Variants in DDX31 observed in about 807,000 individuals in gnomAD.
DDX31 encodes ATP-dependent DNA helicase DDX31.
In DDX31, 70 loss-of-function variants were observed where a neutral mutation model predicts 91.3. That is an observed-to-expected ratio of 0.77 (90% confidence interval 0.63 to 0.94). The LOEUF (loss-of-function observed/expected upper bound fraction) is 0.94. Ranked by LOEUF, DDX31 falls within the 40% of genes least tolerant of loss-of-function variation. The pLI is 0.00. For synonymous variants in DDX31, 362 were observed against 350.6 expected (o/e 1.03, Z -0.36); for missense variants, 902 against 925.0 (o/e 0.98, Z 0.32).
chr9:132,653,494 C>CAAAAAAAAGAAAAAAAAAAA (rs1834345320), intron 6 of DDX31, among the ~76,000 whole-genome samples: 1 of 20,630 alleles, frequency 4.8e-5, no homozygotes, highest in Non-Finnish European at 1.5e-4. Flanking sequence ...AACTCAGTCT[C>CAAAAAAAAGAAAAAAAAAAA]AAAAAAAAAA....
rs369592272 is a variant in DDX31 at position 132,662,323 on chromosome 9, G to A, written c.346C>T (p.Gln116Ter). ...GAAGTAAACACTTTTTCTTGCACCT[G>A]CTTTACCACAGGTCTGCAAATGATG... is the stretch of plus-strand genomic sequence containing the variant. ...IPELHRPVVK[Q>*]VQEKVFTSAA... The change falls in exon 3 of 20, where the codon CAG becomes TAG. Residue 116 changes from glutamine to a stop codon, truncating the protein, a stop_gained. Coordinates refer to ENST00000372159, the MANE Select transcript of DDX31 (RefSeq NM_022779.9). LOFTEE classifies it high-confidence loss of function. The A allele has an allele frequency of 6.2e-7, 1 of 1,614,078 alleles. No homozygotes were observed. The highest frequency in any genetic ancestry group is 1.3e-5 in the African/African-American group (1 of 74,942).
chr9:132,632,271 CACACACACACACACACACACACACACAG>C (rs1590035945), intron 14 of DDX31, among the ~76,000 whole-genome samples, 180 bp from the exon 15 acceptor site: 1 of 145,012 alleles, frequency 6.9e-6, no homozygotes, highest in African/African-American at 2.6e-5. Flanking sequence ...CACACACACA[CACACACACACACACACACACACACACAG>C]TCCTGCATAC....
intron 6 of DDX31, among the ~76,000 whole-genome samples, chr9:132,656,027 C>T (rs1377326226): frequency 6.6e-6 from 1 of 151,910 alleles, no homozygotes; most frequent in Non-Finnish European, 1.5e-5. Context: ...AAAGGTGTTA[C>T]TACATAGAGA....
intron 16 of DDX31, 148 bp from the exon 17 acceptor site, chr9:132,625,893 T>A (rs891407164): frequency 2.0e-5 from 12 of 603,828 alleles, no homozygotes; most frequent in Non-Finnish European, 3.5e-5. Flanking sequence ...TCCTAAACCC[T>A]TAGGAATTGA....
intron 17 of DDX31, among the ~76,000 whole-genome samples, chr9:132,622,434 G>A (rs966228449): frequency 1.3e-5 from 2 of 152,212 alleles, no homozygotes; most frequent in African/African-American, 4.8e-5. Flanking sequence ...ACTGTAGCTT[G>A]TTGCTGACAG....
chr9:132,669,695 G>T, intron 1 of DDX31, 165 bp downstream of exon 1: 1 of 1,533,930 alleles, frequency 6.5e-7, no homozygotes, highest in Non-Finnish European at 8.7e-7. Flanking sequence ...GTTCCGGTTA[G>T]AGACACGTGT....
chr9:132,614,602 T>C (rs1831528359), intron 18 of DDX31, among the ~76,000 whole-genome samples: 1 of 152,170 alleles, frequency 6.6e-6, no homozygotes, highest in African/African-American at 2.4e-5. Flanking sequence ...GTCTCTTCAT[T>C]TCCTACCTCT....
chr9:132,621,925 G>A (rs571336770), intron 17 of DDX31, among the ~76,000 whole-genome samples: 1 of 150,798 alleles, frequency 6.6e-6, no homozygotes, highest in South Asian at 2.1e-4. Context: ...CTACAACGTA[G>A]GATGGTTAAT....
intron 19 of DDX31, among the ~76,000 whole-genome samples, chr9:132,609,549 G>A (rs1831208203): frequency 6.6e-6 from 1 of 152,190 alleles, no homozygotes; most frequent in Non-Finnish European, 1.5e-5. Flanking sequence ...CATAAAGGGA[G>A]ATCATCTGCT....
At chr9:132,637,969 G>C in intron 14 of DDX31, 3 of 1,016,176 alleles carry the variant, frequency 3.0e-6, no homozygotes, top group Non-Finnish European at 3.5e-6. Flanking sequence ...AATTCCCCAG[G>C]AGGAGAGGAA....
At chr9:132,658,220 A>G in intron 6 of DDX31, 1 of 696,364 alleles carries the variant, frequency 1.4e-6, no homozygotes, top group South Asian at 1.5e-5. Flanking sequence ...GTCTTCACAC[A>G]AGAGTAAGGA....
intron 4 of DDX31, among the ~76,000 whole-genome samples, chr9:132,660,125 A>C (rs1487882587): frequency 6.6e-6 from 1 of 151,984 alleles, no homozygotes; most frequent in Non-Finnish European, 1.5e-5. Flanking sequence ...CACCTGAGGT[A>C]AGGAGTTTGA....
At chr9:132,625,448 C>T (rs777852941) in intron 17 of DDX31, among the ~76,000 whole-genome samples, 3 of 151,496 alleles carry the variant, frequency 2.0e-5, no homozygotes, top group Admixed American at 6.6e-5. Flanking sequence ...CAGAATGGAC[C>T]GTAGCCCACT....
At chr9:132,638,610 C>T (rs1204568682) in intron 14 of DDX31, among the ~76,000 whole-genome samples, 3 of 152,204 alleles carry the variant, frequency 2.0e-5, no homozygotes, top group African/African-American at 4.8e-5. Flanking sequence ...CAGCTATGCT[C>T]TGCCTAGACT....
chr9:132,660,290 G>A (rs546232646), intron 4 of DDX31, among the ~76,000 whole-genome samples: 2 of 146,766 alleles, frequency 1.4e-5, no homozygotes, highest in East Asian at 4.0e-4. Context: ...AGCCAAGATC[G>A]CACCACTGCA....
At chr9:132,636,184 C>A (rs973654889) in intron 14 of DDX31, among the ~76,000 whole-genome samples, 6 of 152,138 alleles carry the variant, frequency 3.9e-5, no homozygotes, top group Admixed American at 2.6e-4. Context: ...TGTCAACCAC[C>A]CACAAAGTGT....
chr9:132,594,790 C>T lies in DDX31; in HGVS notation c.*76G>A. On this transcript the variant is annotated 3_prime_UTR_variant, in exon 20 of 20. Coordinates refer to ENST00000372159, the MANE Select transcript of DDX31 (RefSeq NM_022779.9). ...AAAGGCGCAGTTATTTTTCACAAGC[C>T]TCCTCTGACAAGAACTGGACATCAA... The T allele has an allele frequency of 1.3e-6, 2 of 1,564,772 alleles. No individual in the cohort carries two copies. The highest frequency in any genetic ancestry group is 1.7e-6 in the Non-Finnish European group (2 of 1,156,586).
intron 12 of DDX31, among the ~76,000 whole-genome samples, 194 bp downstream of exon 12, chr9:132,646,629 C>T (rs1041985808): frequency 1.3e-5 from 2 of 152,154 alleles, no homozygotes; most frequent in African/African-American, 4.8e-5. Context: ...TCATGGCTAT[C>T]ATTGACCTCT....
chr9:132,662,735 T>C, intron 1 of DDX31, 40 bp from the exon 2 acceptor site: 1 of 1,611,822 alleles, frequency 6.2e-7, no homozygotes, highest in Non-Finnish European at 8.5e-7. Context: ...AAGAGATGCA[T>C]TAGTCCATGA....
Sources: gnomAD v4.1 joint callset for allele counts (sites outside exome capture counted in the v4.1 genomes callset) on GRCh38, gnomAD v4.1.1 for gene constraint, MANE v1.5 for transcripts, NCBI Gene and HGNC (gene_info 2026-07-23, HGNC 2026-07-21) for gene names.